GAB1: variants seen among roughly 807,000 people sequenced by gnomAD.
GAB1 encodes the protein GRB2-associated-binding protein 1.
GAB1 carries 19 observed loss-of-function variants against 66.5 expected under a neutral mutation model. The observed-to-expected ratio is 0.29, with a 90% CI of 0.20 to 0.42. The LOEUF is 0.42. Among genes scored for constraint, GAB1 ranks in the 10% least tolerant of loss-of-function variants. GAB1 has a pLI of 1.00. For missense variants in GAB1, 732 were observed against 858.5 expected, an observed-to-expected ratio of 0.85 and a Z score of 1.84; for synonymous variants, 294 against 301.4, an observed-to-expected ratio of 0.98 and a Z score of 0.25.
chr4:143,430,122 A>G (rs189674132), intron 2 of GAB1, among the ~76,000 whole-genome samples: 34 of 152,272 alleles, frequency 2.2e-4, no homozygotes, highest in African/African-American at 7.2e-4. Flanking sequence ...CAATGTCACA[A>G]TCTCCCAAGT....
In GAB1 at chr4:143,415,526, A is replaced by T. The variant is rs772580179; in HGVS notation, c.122A>T (p.Asp41Val). 6.2e-7 allele frequency: 1 copy of T among 1,613,368 alleles called. No homozygotes were observed. The highest frequency in any genetic ancestry group is 8.5e-7 in the Non-Finnish European group (1 of 1,179,588). Residue 41 changes from aspartate (D) to valine (V), a missense_variant, in exon 2 of 10, where the codon GAT becomes GTT. Around this residue, in one of 4 missense-constraint regions of GAB1, gnomAD observed 66 missense variants for 130.3 expected, o/e 0.51. Transcript: ENST00000262994. ...FVLRSGRLTG[D>V]PDVLEYYKND... ...TTACGCAGTGGCCGTTTAACTGGAG[A>T]TCCAGATGTTTTGGAATATTACAAA... is the stretch of plus-strand genomic sequence containing the variant.
intron 1 of GAB1, among the ~76,000 whole-genome samples, chr4:143,400,928 C>T (rs1260502429): frequency 2.0e-5 from 3 of 149,500 alleles, no homozygotes; most frequent in East Asian, 2.0e-4. Flanking sequence ...GAGATCACAC[C>T]ACTGTACTCC....
chr4:143,438,387 T>C lies in GAB1; in HGVS notation c.982T>C (p.Leu328=), dbSNP rs759768968. 14 of 1,613,920 alleles carry C rather than the reference T, an allele frequency of 8.7e-6. 1 individual carries two copies. In the Admixed American group the frequency reaches 2.2e-4, roughly 25 times the overall value. Reference sequence around the variant, plus strand: ...TCCACGAACATTTCCAGAAGGAACCTTGGGACAGACATCAAAGCTAGACAC... The same window carrying C: ...TCCACGAACATTTCCAGAAGGAACCCTGGGACAGACATCAAAGCTAGACAC... ...QIPRTFPEGT[L]GQTSKLDTIP... The change falls in exon 4 of 10, where the codon TTG becomes CTG. Residue 328 remains leucine (L), a synonymous_variant. Transcript: ENST00000262994.
At chr4:143,401,048 ATTTC>A (rs1731746035) in intron 1 of GAB1, among the ~76,000 whole-genome samples, 1 of 149,340 alleles carries the variant, frequency 6.7e-6, no homozygotes, top group South Asian at 2.1e-4. Context: ...TTTTGTTTTT[ATTTC>A]TTTTTTATAT....
chr4:143,452,839 A>G (rs1348838760), intron 6 of GAB1, among the ~76,000 whole-genome samples: 4 of 152,250 alleles, frequency 2.6e-5, no homozygotes, highest in Non-Finnish European at 4.4e-5. Context: ...CCTTGGACTT[A>G]AACATTCAGG....
At chr4:143,413,010 A>G (rs1732477343) in intron 1 of GAB1, among the ~76,000 whole-genome samples, 1 of 152,208 alleles carries the variant, frequency 6.6e-6, no homozygotes, top group Admixed American at 6.5e-5. Context: ...TACAATACTT[A>G]GTCTGAATCA....
At chr4:143,423,859 G>T (rs1733181551) in intron 2 of GAB1, among the ~76,000 whole-genome samples, 1 of 107,650 alleles carries the variant, frequency 9.3e-6, no homozygotes, top group Non-Finnish European at 2.0e-5. Context: ...CTATGAAAAG[G>T]ATATTTTTTT....
At chr4:143,442,346 G>T (rs1734291663) in intron 6 of GAB1, among the ~76,000 whole-genome samples, 1 of 152,062 alleles carries the variant, frequency 6.6e-6, no homozygotes, top group Non-Finnish European at 1.5e-5. Context: ...GTAAGATTTG[G>T]GTGAGGTTAC....
intron 6 of GAB1, among the ~76,000 whole-genome samples, chr4:143,455,047 A>G (rs1015369410): frequency 2.6e-5 from 4 of 152,146 alleles, no homozygotes; most frequent in African/African-American, 9.7e-5. Flanking sequence ...TCATCACACC[A>G]GCATTCACAC....
chr4:143,439,145 C>T (rs2149756773), intron 4 of GAB1, among the ~76,000 whole-genome samples: 1 of 152,288 alleles, frequency 6.6e-6, no homozygotes, highest in Non-Finnish European at 1.5e-5. Flanking sequence ...CCACTTCACT[C>T]ATTGCTAGTG....
At chr4:143,394,005 G>A (rs1007684490) in intron 1 of GAB1, among the ~76,000 whole-genome samples, 4 of 152,162 alleles carry the variant, frequency 2.6e-5, no homozygotes, top group African/African-American at 9.7e-5. Context: ...TGGGCGCTGT[G>A]GCTCACACCT....
At chr4:143,461,391 C>T (rs1341470250) in intron 8 of GAB1, among the ~76,000 whole-genome samples, 1 of 152,146 alleles carries the variant, frequency 6.6e-6, no homozygotes, top group Non-Finnish European at 1.5e-5. Flanking sequence ...GGGATTCAGA[C>T]CTTTTCCAGC....
chr4:143,459,369 C>G lies in GAB1; in HGVS notation c.1586-16C>G. ...TTCTGTATACTAAAAATCTCTTTTT[C>G]TCTTTTTCTTTTCAGTCAAGCCAGC... On this transcript the variant is annotated splice_polypyrimidine_tract_variant and intron_variant, in intron 6 of 9. Transcript: ENST00000262994. 1 of 1,496,152 alleles carries G rather than the reference C, an allele frequency of 6.7e-7. No homozygotes were observed. The highest frequency in any genetic ancestry group is 2.3e-5 in the East Asian group (1 of 44,252). The allele number at this position is 1,496,152 out of a possible 1,614,324, so 92.7% of individuals were successfully genotyped here.
At chr4:143,442,022 C>T (rs113978869) in intron 6 of GAB1, among the ~76,000 whole-genome samples, 98 of 152,290 alleles carry the variant, frequency 6.4e-4, no homozygotes, top group African/African-American at 2.3e-3. Flanking sequence ...GGCTTTCTAT[C>T]GGATAATGCT....
intron 1 of GAB1, among the ~76,000 whole-genome samples, chr4:143,415,271 T>TA (rs1310312846): frequency 6.6e-6 from 1 of 152,220 alleles, no homozygotes; most frequent in African/African-American, 2.4e-5. Flanking sequence ...TGAATATATA[T>TA]ATACATTATT....
At chr4:143,379,776 C>T (rs145974528) in intron 1 of GAB1, among the ~76,000 whole-genome samples, 2 of 151,934 alleles carry the variant, frequency 1.3e-5, no homozygotes, top group Admixed American at 6.6e-5. Flanking sequence ...TTTGTAGAGA[C>T]AGGATTTTGC....
rs1327503954 is a variant in GAB1, at chr4:143,336,876, A to C, written c.-313A>C. The C allele has an allele frequency of 1.6e-4, 65 of 398,888 alleles. 1 individual carries two copies. Among genetic ancestry groups the C allele is most frequent in the South Asian group, 3.5e-5 (1 of 28,402 alleles). 24.7% of individuals were successfully genotyped at this position (398,888 alleles called of 1,614,324 possible). A position where few individuals can be genotyped will look rare whatever the true frequency, so the allele number is the denominator to read the frequency against. On this transcript the variant is annotated 5_prime_UTR_variant, in exon 1 of 10. Coordinates refer to ENST00000262994, the MANE Select transcript of GAB1 (RefSeq NM_002039.4). The stretch of plus-strand genomic sequence containing the variant: ...AGAAGCTCCGGCACCGAGTCGGGGC[A>C]GAGTCCCGCTGAGTCCGAGCGCTGC...
At chr4:143,446,923 T>G (rs1296378509) in intron 6 of GAB1, among the ~76,000 whole-genome samples, 1 of 151,792 alleles carries the variant, frequency 6.6e-6, no homozygotes, top group Non-Finnish European at 1.5e-5. Flanking sequence ...TTTTTATGGT[T>G]TTAGGTCTAA....
chr4:143,467,260 T>G (rs577040987), intron 9 of GAB1, among the ~76,000 whole-genome samples: 12 of 152,246 alleles, frequency 7.9e-5, no homozygotes, highest in African/African-American at 9.6e-5. Context: ...AGTCTAATTG[T>G]AATTCCCTTG....
Sources: gnomAD v4.1 joint callset for allele counts (sites outside exome capture counted in the v4.1 genomes callset) on GRCh38, gnomAD v4.1.1 for gene constraint, gnomAD v4.1.1 regional missense constraint, MANE v1.5 for transcripts, NCBI Gene and HGNC (gene_info 2026-07-23, HGNC 2026-07-21) for gene names.